The following COBLL1 variants were observed in gnomAD, a reference collection of about 807,000 sequenced individuals.
COBLL1 encodes the protein cordon-bleu WH2 repeat protein like 1, also known as cordon-bleu protein-like 1.
COBLL1 carries 50 observed loss-of-function variants against 94.8 expected under a neutral mutation model. The observed-to-expected ratio is 0.53, with a 90% CI of 0.42 to 0.67. COBLL1 has a LOEUF of 0.67. Among genes scored for constraint, COBLL1 ranks in the 30% least tolerant of loss-of-function variants. COBLL1 has a pLI of 0.00. For synonymous variants in COBLL1, 448 were observed against 473.8 expected (o/e 0.95, Z 0.71); for missense variants, 1,362 against 1,348.7 (o/e 1.01, Z -0.15).
chr2:164,749,808 T>C (rs1444178678), intron 2 of COBLL1, among the ~76,000 whole-genome samples: 1 of 152,170 alleles, frequency 6.6e-6, no homozygotes, highest in African/African-American at 2.4e-5. Context: ...ATTTTTTTTT[T>C]CTCAAGGTTG....
intron 2 of COBLL1, among the ~76,000 whole-genome samples, chr2:164,818,486 C>T (rs1041475494): frequency 1.3e-4 from 20 of 148,602 alleles, no homozygotes; most frequent in Non-Finnish European, 1.9e-4. Context: ...ACAATGTATA[C>T]ATATACATAT....
rs528817659 is a variant in COBLL1 at position 164,787,629 on chromosome 2, T to G, written c.42-43754A>C. Among the ~76,000 whole-genome samples the G allele has an allele frequency of 1.1e-3, 161 of 152,280 alleles. 4 individuals carry two copies. Among genetic ancestry groups the G allele is most frequent in the Admixed American group, 0.01 (160 of 15,290 alleles). On this transcript the variant is annotated intron_variant, in intron 2 of 13. Coordinates refer to ENST00000652658, the MANE Select transcript of COBLL1 (RefSeq NM_001365672.2). ...TATACCTTTCCACTCCTGCATCCCT[T>G]GCCTGTGACCTTGAGCCCTCAAATA...
chr2:164,789,353 T>A (rs986327675), intron 2 of COBLL1, among the ~76,000 whole-genome samples: 2 of 152,116 alleles, frequency 1.3e-5, no homozygotes, highest in African/African-American at 2.4e-5. Flanking sequence ...GTCATGTGTG[T>A]TTAGCCAGAT....
intron 3 of COBLL1, among the ~76,000 whole-genome samples, chr2:164,739,381 TG>T (rs772312700): frequency 5.3e-5 from 8 of 152,186 alleles, no homozygotes; most frequent in Non-Finnish European, 8.8e-5. Context: ...TAGAACATCC[TG>T]AGCCCACCTG....
chr2:164,819,975 G>T (rs1404834018), intron 2 of COBLL1, among the ~76,000 whole-genome samples: 2 of 147,706 alleles, frequency 1.4e-5, no homozygotes, highest in African/African-American at 2.5e-5. Flanking sequence ...ACAGGCATCT[G>T]CCACCATACC....
At chr2:164,689,018 T>C (rs1311599945) in intron 13 of COBLL1, among the ~76,000 whole-genome samples, 1 of 152,118 alleles carries the variant, frequency 6.6e-6, no homozygotes, top group Non-Finnish European at 1.5e-5. Flanking sequence ...TGTAAATAAT[T>C]TGCTGATTAA....
intron 7 of COBLL1, among the ~76,000 whole-genome samples, chr2:164,707,050 A>G (rs1029394144): frequency 9.9e-5 from 15 of 152,166 alleles, no homozygotes; most frequent in African/African-American, 3.4e-4. Context: ...GAGTTCCTCC[A>G]TCACAGGGTG....
At chr2:164,805,331 CTCTCTCTATATATATA>C (rs1442539181) in intron 2 of COBLL1, among the ~76,000 whole-genome samples, 7 of 21,300 alleles carry the variant, frequency 3.3e-4, no homozygotes, top group South Asian at 1.8e-3. Flanking sequence ...CTCTCTCTCT[CTCTCTCTATATATATA>C]TATATATATA....
chr2:164,764,025 A>G (rs967968590), intron 2 of COBLL1, among the ~76,000 whole-genome samples: 1 of 152,150 alleles, frequency 6.6e-6, no homozygotes, highest in African/African-American at 2.4e-5. Context: ...CCTCCAGAGT[A>G]GCTGAGACTA....
chr2:164,805,491 CTATT>C (rs1396517744), intron 2 of COBLL1, among the ~76,000 whole-genome samples: 4 of 150,460 alleles, frequency 2.7e-5, no homozygotes, highest in South Asian at 2.1e-4. Flanking sequence ...CATGATCTAT[CTATT>C]TATTTGTTCC....
At chr2:164,700,197 G>C (rs1684175288) in intron 10 of COBLL1, among the ~76,000 whole-genome samples, 1 of 151,932 alleles carries the variant, frequency 6.6e-6, no homozygotes, top group Non-Finnish European at 1.5e-5. Flanking sequence ...GGTAAAAATT[G>C]AAAATTAAAT....
chr2:164,800,474 C>A, intron 2 of COBLL1: 1 of 678,490 alleles, frequency 1.5e-6, no homozygotes, highest in Non-Finnish European at 2.7e-6. Context: ...TGGTGGAATG[C>A]AAAATGGTAC....
At chr2:164,748,476 GA>G (rs1173094985) in intron 2 of COBLL1, among the ~76,000 whole-genome samples, 4 of 151,982 alleles carry the variant, frequency 2.6e-5, no homozygotes, top group Non-Finnish European at 4.4e-5. Flanking sequence ...AAACTAAAGA[GA>G]AAAATGTAAC....
chr2:164,801,388 G>A (rs1683782454), intron 2 of COBLL1, among the ~76,000 whole-genome samples: 2 of 136,802 alleles, frequency 1.5e-5, no homozygotes, highest in South Asian at 4.9e-4. Flanking sequence ...GCAGTGAGCC[G>A]AGATCGCGCC....
At chr2:164,669,362 C>T (rs971413122) in intron 1 of COBLL1, among the ~76,000 whole-genome samples, 2 of 152,194 alleles carry the variant, frequency 1.3e-5, no homozygotes, top group Non-Finnish European at 2.9e-5. Flanking sequence ...TGTAAAAACA[C>T]ATTCTGGAAT....
intron 2 of COBLL1, among the ~76,000 whole-genome samples, chr2:164,747,249 A>C (rs1400533423): frequency 2.0e-5 from 3 of 152,158 alleles, no homozygotes; most frequent in Non-Finnish European, 4.4e-5. Flanking sequence ...AAAAATACAC[A>C]CTGGATTTAT....
intron 3 of COBLL1, among the ~76,000 whole-genome samples, chr2:164,743,003 G>A (rs1686678031): frequency 6.6e-6 from 1 of 152,084 alleles, no homozygotes; most frequent in South Asian, 2.1e-4. Flanking sequence ...AAGTGAAATG[G>A]AAAATTACAC....
chr2:164,768,861 C>T (rs1039655761), intron 2 of COBLL1, among the ~76,000 whole-genome samples: 1 of 152,078 alleles, frequency 6.6e-6, no homozygotes, highest in Non-Finnish European at 1.5e-5. Flanking sequence ...TGCAAGCACA[C>T]GATGGCACAC....
chr2:164,738,723 T>G (rs1422498363), intron 3 of COBLL1, among the ~76,000 whole-genome samples: 1 of 152,188 alleles, frequency 6.6e-6, no homozygotes, highest in Non-Finnish European at 1.5e-5. Flanking sequence ...CATTTCACAT[T>G]TTTTTTCAGA....
Sources: gnomAD v4.1 joint callset for allele counts (sites outside exome capture counted in the v4.1 genomes callset) on GRCh38, gnomAD v4.1.1 for gene constraint, MANE v1.5 for transcripts, NCBI Gene and HGNC (gene_info 2026-07-23, HGNC 2026-07-21) for gene names.